Variants in WLS observed in about 807,000 individuals in gnomAD.
The protein encoded by WLS is protein wntless homolog.
In WLS, 23 loss-of-function variants were observed where a neutral mutation model predicts 62.8. That is an observed-to-expected ratio of 0.37 (90% CI 0.26 to 0.52). WLS has a LOEUF of 0.52. Among genes scored for constraint, WLS ranks in the 20% least tolerant of loss-of-function variants. The pLI, the probability that WLS is intolerant of heterozygous loss-of-function variation, is 0.92. For missense variants in WLS, 615 were observed against 697.3 expected (o/e 0.88, Z 1.33); for synonymous variants, 246 against 244.1 (o/e 1.01, Z -0.07).
intron 10 of WLS, chr1:68,143,000 CAATT>C: frequency 6.6e-6 from 1 of 152,260 alleles, no homozygotes; most frequent in East Asian, 1.9e-4. Flanking sequence ...ATTTTCACAT[CAATT>C]ACAGTTGTAG....
chr1:68,168,394 G>A (rs559084686), intron 2 of WLS, among the ~76,000 whole-genome samples: 1 of 152,290 alleles, frequency 6.6e-6, no homozygotes, highest in African/African-American at 2.4e-5. Context: ...CTTCCCACCT[G>A]AACAACCTTG....
chr1:68,170,776 A>C (rs1318024288), intron 2 of WLS, among the ~76,000 whole-genome samples: 1 of 151,648 alleles, frequency 6.6e-6, no homozygotes, highest in Non-Finnish European at 1.5e-5. Flanking sequence ...CTTATTCTCC[A>C]TGTTGCTTCT....
At chr1:68,228,924 T>G (rs1469891207) in intron 1 of WLS, among the ~76,000 whole-genome samples, 1 of 128,516 alleles carries the variant, frequency 7.8e-6, no homozygotes, top group Non-Finnish European at 1.6e-5. Flanking sequence ...GTAAGAAGGA[T>G]GTTGAAATAG....
In WLS at chr1:68,125,666, T is replaced by C. The variant is rs1646419011; in HGVS notation, c.*560A>G. 1 of 985,644 alleles carries C rather than the reference T, an allele frequency of 1.0e-6. No individual in the cohort carries two copies. The highest frequency in any genetic ancestry group is 6.1e-5 in the Admixed American group (1 of 16,308). The allele number at this position is 985,644 out of a possible 1,614,324, so 61.1% of individuals were successfully genotyped here. A position where few individuals can be genotyped will look rare whatever the true frequency, so the allele number is the denominator to read the frequency against. ...TAAATCTTCTCATGAAATTCAGTTA[T>C]ATTATGCCACAAAACAGGGACACTT... On this transcript the variant is annotated 3_prime_UTR_variant, in exon 12 of 12. Transcript: ENST00000262348.
chr1:68,180,931 A>G (rs1647532116), intron 2 of WLS, among the ~76,000 whole-genome samples: 1 of 152,210 alleles, frequency 6.6e-6, no homozygotes, highest in Non-Finnish European at 1.5e-5. Flanking sequence ...TAACACCATT[A>G]CTAATGACTC....
At chr1:68,169,520 C>T (rs1647114880) in intron 2 of WLS, among the ~76,000 whole-genome samples, 1 of 152,106 alleles carries the variant, frequency 6.6e-6, no homozygotes, top group African/African-American at 2.4e-5. Flanking sequence ...TCCAGATTTC[C>T]CTCTTGATAT....
chr1:68,146,420 A>G (rs1482857545), intron 8 of WLS, among the ~76,000 whole-genome samples: 5 of 152,140 alleles, frequency 3.3e-5, no homozygotes, highest in Non-Finnish European at 7.3e-5. Flanking sequence ...CAGTAAAATC[A>G]CCAGAAGGGT....
chr1:68,102,105 A>T (rs2100291531), intron 11 of WLS, among the ~76,000 whole-genome samples: 1 of 152,274 alleles, frequency 6.6e-6, no homozygotes, highest in Non-Finnish European at 1.5e-5. Context: ...AGGAGTGTCT[A>T]CCATGGGCCA....
chr1:68,162,673 C>A (rs1646996682), intron 2 of WLS: 1 of 1,239,762 alleles, frequency 8.1e-7, no homozygotes, highest in Non-Finnish European at 1.2e-6. Flanking sequence ...GAGGATGTGG[C>A]AGATGGTAGA....
At chr1:68,167,948 C>CA (rs143478713) in intron 2 of WLS, among the ~76,000 whole-genome samples, 7,485 of 152,172 alleles carry the variant, frequency 0.049, 395 homozygotes, top group African/African-American at 0.13. Flanking sequence ...CATGCCTTTC[C>CA]ATGTTGGGAA....
At chr1:68,151,671 G>A (rs79745125) in intron 5 of WLS, among the ~76,000 whole-genome samples, 1,889 of 152,232 alleles carry the variant, frequency 0.012, 25 homozygotes, top group Non-Finnish European at 0.021. Context: ...GTGGACAGAC[G>A]AAGAGATCAG....
chr1:68,198,288 T>C (rs1389620180), intron 1 of WLS, among the ~76,000 whole-genome samples: 1 of 152,218 alleles, frequency 6.6e-6, no homozygotes, highest in Non-Finnish European at 1.5e-5. Flanking sequence ...ACAGAAGTTA[T>C]AAAACCATGA....
At chr1:68,147,612 C>T (rs1646769719) in intron 8 of WLS, among the ~76,000 whole-genome samples, 1 of 152,196 alleles carries the variant, frequency 6.6e-6, no homozygotes, top group Non-Finnish European at 1.5e-5. Context: ...ATGAAGATGA[C>T]TTAGAGTTTA....
At chr1:68,184,388 T>G (rs966399010) in intron 2 of WLS, among the ~76,000 whole-genome samples, 2 of 152,254 alleles carry the variant, frequency 1.3e-5, no homozygotes. Flanking sequence ...ATGCATAGAG[T>G]GACTTTTTAA....
chr1:68,228,932 TAGG>T (rs1241857775), intron 1 of WLS, among the ~76,000 whole-genome samples: 2 of 112,444 alleles, frequency 1.8e-5, no homozygotes, highest in Admixed American at 2.6e-4. Flanking sequence ...GATGTTGAAA[TAGG>T]AGAATATTTA....
intron 5 of WLS, 45 bp from the exon 6 acceptor site, chr1:68,150,401 A>G (rs1201018636): frequency 6.2e-7 from 1 of 1,603,432 alleles, no homozygotes; most frequent in Non-Finnish European, 8.5e-7. Context: ...TTCATCTGGA[A>G]GGCAGATTTT....
At chr1:68,144,189 A>T (rs759664330) in intron 10 of WLS, among the ~76,000 whole-genome samples, 16 of 152,228 alleles carry the variant, frequency 1.1e-4, no homozygotes, top group Admixed American at 2.6e-4. Flanking sequence ...TGGCAATATA[A>T]TTATTACAAG....
chr1:68,159,158 G>C lies in WLS; in HGVS notation c.469C>G (p.Pro157Ala). ...EWTEMAHERV[P>A]RKLKCTFTSP... is the part of the protein sequence containing the mutation. ...GTGAAGGTGCATTTGAGTTTCCGTG[G>C]TACTCTTTCATGGGCCATTTCAGTC... The change falls in exon 3 of 12, where the codon CCA (proline) becomes GCA (alanine). Residue 157 changes from proline to alanine, a missense_variant. Pro to Ala is a conservative substitution (Grantham distance 27, BLOSUM62 -1). Transcript: ENST00000262348. The C allele has an allele frequency of 6.2e-7, 1 of 1,614,092 alleles. No homozygotes were observed. Among genetic ancestry groups the C allele is most frequent in the Non-Finnish European group, 8.5e-7 (1 of 1,180,024 alleles).
At chr1:68,100,257 G>T (rs1646059710) in intron 11 of WLS, among the ~76,000 whole-genome samples, 1 of 152,178 alleles carries the variant, frequency 6.6e-6, no homozygotes, top group African/African-American at 2.4e-5. Flanking sequence ...TGGTCCCCTG[G>T]TTCTTTTCTG....
Sources: allele counts gnomAD v4.1 joint callset (sites outside exome capture counted in the v4.1 genomes callset), GRCh38; gene constraint gnomAD v4.1.1; transcripts MANE v1.5; gene names NCBI Gene and HGNC (gene_info 2026-07-23, HGNC 2026-07-21).